The following RPA1 variants were observed in gnomAD, a reference collection of about 807,000 sequenced individuals.
The protein encoded by RPA1 is replication protein A1, also known as replication protein A 70 kDa DNA-binding subunit.
Under a neutral mutation model 83.0 loss-of-function variants are expected in RPA1, and 49 were observed. The observed-to-expected ratio is 0.59, with a 90% CI of 0.47 to 0.75. The LOEUF (loss-of-function observed/expected upper bound fraction) is 0.75. RPA1 is among the 30% of genes least tolerant of loss of function. The pLI, the probability that RPA1 is intolerant of heterozygous loss-of-function variation, is 0.00. For missense variants in RPA1, 693 were observed against 776.1 expected (o/e 0.89, Z 1.27); for synonymous variants, 279 against 281.8 (o/e 0.99, Z 0.10).
intron 14 of RPA1, among the ~76,000 whole-genome samples, chr17:1,890,104 T>C (rs549122274): frequency 6.6e-6 from 1 of 152,276 alleles, no homozygotes; most frequent in South Asian, 2.1e-4. Context: ...GCGCAGTGAC[T>C]TGTGCCTGTA....
chr17:1,858,348 C>G, intron 5 of RPA1: 2 of 1,607,404 alleles, frequency 1.2e-6, no homozygotes, highest in Non-Finnish European at 1.7e-6. Context: ...GGCAGATGGA[C>G]ATCGCCATGG....
intron 6 of RPA1, among the ~76,000 whole-genome samples, chr17:1,874,810 A>G (rs1483418768): frequency 4.6e-5 from 7 of 152,250 alleles, no homozygotes; most frequent in Non-Finnish European, 7.3e-5. Flanking sequence ...ACGAATGCCT[A>G]GAAGGGTGTG....
At chr17:1,875,409 G>A (rs755810353) in intron 6 of RPA1, among the ~76,000 whole-genome samples, 1 of 152,110 alleles carries the variant, frequency 6.6e-6, no homozygotes, top group South Asian at 2.1e-4. Flanking sequence ...CTTTGACCTC[G>A]GGGCTGACAT....
At chr17:1,896,295 G>T (rs1368151427) in intron 16 of RPA1, among the ~76,000 whole-genome samples, 1 of 152,182 alleles carries the variant, frequency 6.6e-6, no homozygotes, top group Non-Finnish European at 1.5e-5. Flanking sequence ...CAGTGTGACA[G>T]CCCCGAGCTC....
intron 13 of RPA1, among the ~76,000 whole-genome samples, 174 bp from the exon 14 acceptor site, chr17:1,888,501 C>T (rs367872578): frequency 3.3e-5 from 5 of 152,186 alleles, no homozygotes; most frequent in Admixed American, 2.0e-4. Flanking sequence ...GTTTTGTACT[C>T]GGCACATGTG....
chr17:1,861,261 C>T (rs7216940), intron 5 of RPA1, among the ~76,000 whole-genome samples: 4 of 152,032 alleles, frequency 2.6e-5, no homozygotes, highest in Non-Finnish European at 5.9e-5. Flanking sequence ...CCCAGACTCT[C>T]GGCCCCCATT....
At chr17:1,866,201 C>T (rs1422430066) in intron 5 of RPA1, among the ~76,000 whole-genome samples, 1 of 152,090 alleles carries the variant, frequency 6.6e-6, no homozygotes, top group Non-Finnish European at 1.5e-5. Flanking sequence ...AGGGCTGTGC[C>T]ACTACACTCC....
chr17:1,866,942 C>T (rs1227468948), intron 5 of RPA1, among the ~76,000 whole-genome samples: 4 of 152,244 alleles, frequency 2.6e-5, no homozygotes, highest in South Asian at 2.1e-4. Context: ...TCTGTGTGCA[C>T]GTGCATGTAT....
chr17:1,876,114 C>T (rs1913563695), intron 7 of RPA1, among the ~76,000 whole-genome samples: 2 of 152,168 alleles, frequency 1.3e-5, no homozygotes, highest in Non-Finnish European at 2.9e-5. Flanking sequence ...ATAAATATTT[C>T]TGATAATTCA....
intron 12 of RPA1, among the ~76,000 whole-genome samples, chr17:1,883,469 A>T (rs17292217): frequency 0.023 from 3,483 of 152,062 alleles, 53 homozygotes; most frequent in Non-Finnish European, 0.033. Context: ...CCTAAAAAAA[A>T]TTTTTTTAAT....
Position 1,842,747 on chromosome 17 carries a change from C to T in RPA1, c.34-56C>T, listed in dbSNP as rs1191789302. On this transcript the variant is annotated intron_variant, in intron 1 of 16. Coordinates refer to ENST00000254719, the MANE Select transcript of RPA1 (RefSeq NM_002945.5). ...CCAAATACCAACTATAAAAACATGTCATTTTCATCATGATTTGAGTGCGTA... is the reference window on the plus strand; with the variant it reads ...CCAAATACCAACTATAAAAACATGTTATTTTCATCATGATTTGAGTGCGTA... 20 of 1,474,072 alleles carry T rather than the reference C, an allele frequency of 1.4e-5. No individual in the cohort carries two copies. In the East Asian group the frequency reaches 4.1e-4, roughly 30 times the overall value. The allele number at this position is 1,474,072 out of a possible 1,614,324, so 91.3% of individuals were successfully genotyped here. A position where few individuals can be genotyped will look rare whatever the true frequency, so the allele number is the denominator to read the frequency against.
intron 5 of RPA1, among the ~76,000 whole-genome samples, chr17:1,871,719 A>T (rs1913381650): frequency 6.6e-6 from 1 of 152,160 alleles, no homozygotes; most frequent in Non-Finnish European, 1.5e-5. Context: ...ACATGCTCTT[A>T]TGGTGGCATT....
intron 5 of RPA1, chr17:1,858,333 A>G: frequency 3.7e-6 from 6 of 1,608,236 alleles, no homozygotes; most frequent in Non-Finnish European, 5.1e-6. Context: ...TACCAGTGCC[A>G]CGGTGGCAGA....
intron 5 of RPA1, among the ~76,000 whole-genome samples, chr17:1,869,290 A>G (rs572684911): frequency 6.0e-5 from 9 of 151,198 alleles, no homozygotes; most frequent in Non-Finnish European, 1.2e-4. Context: ...TAATCCCAGC[A>G]CTTTGGGAGA....
Position 1,877,265 on chromosome 17 carries a change from A to T in RPA1, c.641A>T (p.Asn214Ile). ...AAAAGTCAGATCCGTACCTGGAGCAACTCCCGAGGGGAAGGGAAGCTTTTC... is the reference window on the plus strand; with the variant it reads ...AAAAGTCAGATCCGTACCTGGAGCATCTCCCGAGGGGAAGGGAAGCTTTTC... ...TNKSQIRTWS[N>I]SRGEGKLFSL... is the part of the protein sequence containing the mutation. Residue 214 changes from asparagine to isoleucine, a missense_variant, in exon 8 of 17, where the codon AAC becomes ATC. Asn to Ile is a moderately radical substitution (Grantham distance 149). Coordinates refer to ENST00000254719, the MANE Select transcript of RPA1 (RefSeq NM_002945.5). The T allele has an allele frequency of 6.2e-7, 1 of 1,614,086 alleles. No individual in the cohort carries two copies. Among genetic ancestry groups the T allele is most frequent in the Non-Finnish European group, 8.5e-7 (1 of 1,180,030 alleles).
intron 4 of RPA1, among the ~76,000 whole-genome samples, chr17:1,847,856 C>T (rs560873732): frequency 6.6e-6 from 1 of 152,020 alleles, no homozygotes; most frequent in Non-Finnish European, 1.5e-5. Flanking sequence ...CCCATCTCTA[C>T]TAAAAATACA....
At chr17:1,852,241 G>A (rs1232848966) in intron 4 of RPA1, among the ~76,000 whole-genome samples, 1 of 152,130 alleles carries the variant, frequency 6.6e-6, no homozygotes. Flanking sequence ...TCTAGTAGGA[G>A]CGAGAGAGAA....
At chr17:1,887,419 C>T (rs781627126) in intron 13 of RPA1, among the ~76,000 whole-genome samples, 1 of 151,860 alleles carries the variant, frequency 6.6e-6, no homozygotes, top group Non-Finnish European at 1.5e-5. Context: ...ATTAGCTGGG[C>T]GTAGTGGTGC....
At position 1,880,673 on chromosome 17, in the gene RPA1, C is replaced by T. The variant is rs118083254; in HGVS notation, c.1223C>T (p.Ala408Val). 2 of 1,613,632 alleles carry T rather than the reference C, an allele frequency of 1.2e-6. No individual in the cohort carries two copies. Among genetic ancestry groups the T allele is most frequent in the Non-Finnish European group, 1.7e-6 (2 of 1,179,986 alleles). The change falls in exon 12 of 17, where the codon GCC becomes GTC. Residue 408 changes from alanine to valine, a missense_variant. Transcript: ENST00000254719. ...ATTGCGAATCCTGACATCCCAGAGG[C>T]CTATAAGCTTCGTGGATGGTAGGTT... is the stretch of plus-strand genomic sequence containing the variant. ...TIIANPDIPE[A>V]YKLRGWFDAE...
Sources: gnomAD v4.1 joint callset for allele counts (sites outside exome capture counted in the v4.1 genomes callset) on GRCh38, gnomAD v4.1.1 for gene constraint, MANE v1.5 for transcripts, NCBI Gene and HGNC (gene_info 2026-07-23, HGNC 2026-07-21) for gene names.